Variants in NEMP1 observed in about 807,000 individuals in gnomAD.
NEMP1 encodes transmembrane protein 194.
A neutral mutation model predicts 53.7 loss-of-function variants in NEMP1; 29 were observed. That is an observed-to-expected ratio of 0.54 (90% CI 0.40 to 0.74). The LOEUF (loss-of-function observed/expected upper bound fraction) is 0.74. Ranked by LOEUF, NEMP1 falls within the 30% of genes least tolerant of loss-of-function variation. NEMP1 has a pLI of 0.00. For synonymous variants in NEMP1, 193 were observed against 192.9 expected (o/e 1.00, Z 0.00); for missense variants, 477 against 528.6 (o/e 0.90, Z 0.96).
chr12:57,083,954 C>G (rs2136530246), intron 1 of NEMP1, among the ~76,000 whole-genome samples: 1 of 144,456 alleles, frequency 6.9e-6, no homozygotes, highest in South Asian at 2.2e-4. Flanking sequence ...TTGTTTTCTT[C>G]TGTTTTGTTT....
chr12:57,063,583 T>C (rs977319699), intron 6 of NEMP1, among the ~76,000 whole-genome samples: 1 of 152,204 alleles, frequency 6.6e-6, no homozygotes, highest in African/African-American at 2.4e-5. Flanking sequence ...AACCCTGAAA[T>C]AGACTATTTT....
At chr12:57,078,802 G>T, upstream of NEMP1, 1 of 1,559,992 alleles carries the variant, frequency 6.4e-7, no homozygotes. Context: ...AACTCCGAAC[G>T]GGCAACGACA....
chr12:57,072,804 A>G lies in NEMP1; in HGVS notation c.236T>C (p.Ile79Thr). 6.2e-7 allele frequency: 1 copy of G among 1,610,918 alleles called. No homozygotes were observed. The highest frequency in any genetic ancestry group is 8.5e-7 in the Non-Finnish European group (1 of 1,178,568). ...TNVLIPKWHD[I>T]WTRIQIRVNS... Reference sequence around the variant, plus strand: ...AGTTATTACCTGTATCCGTGTCCATATATCATGCCATTTTGGGATAAGCAC... The same window carrying G: ...AGTTATTACCTGTATCCGTGTCCATGTATCATGCCATTTTGGGATAAGCAC... Residue 79 changes from isoleucine (I) to threonine (T), a missense_variant, in exon 2 of 9, where the codon ATA (isoleucine) becomes ACA (threonine). Physicochemically the swap from Ile to Thr is moderately conservative, Grantham distance 89. Transcript: ENST00000300128.
At chr12:57,084,054 C>T (rs573635522) in intron 1 of NEMP1, among the ~76,000 whole-genome samples, 11 of 152,128 alleles carry the variant, frequency 7.2e-5, no homozygotes, top group Non-Finnish European at 1.3e-4. Context: ...CTTCTGCTTC[C>T]CAGGTTCAAG....
upstream of NEMP1, among the ~76,000 whole-genome samples, chr12:57,080,277 C>A (rs372171760): frequency 1.2e-4 from 19 of 152,278 alleles, no homozygotes; most frequent in African/African-American, 4.3e-4. Flanking sequence ...AAAACAAGGA[C>A]CTTTTTAAAA....
chr12:57,074,727 G>C (rs2032520747), intron 1 of NEMP1, among the ~76,000 whole-genome samples: 1 of 152,198 alleles, frequency 6.6e-6, no homozygotes, highest in Non-Finnish European at 1.5e-5. Flanking sequence ...CAGTCCCTCT[G>C]ATTTACCAAA....
upstream of NEMP1, among the ~76,000 whole-genome samples, chr12:57,080,533 C>T (rs563555742): frequency 3.4e-5 from 5 of 148,682 alleles, no homozygotes; most frequent in South Asian, 2.1e-4. Context: ...GAGCCAAGAT[C>T]GCCCCATTGC....
chr12:57,066,624 G>C (rs182909777), intron 4 of NEMP1, among the ~76,000 whole-genome samples: 211 of 152,272 alleles, frequency 1.4e-3, no homozygotes, highest in Non-Finnish European at 2.4e-3. Context: ...AAGGGAGACG[G>C]GAATAACCAA....
upstream of NEMP1, among the ~76,000 whole-genome samples, chr12:57,081,198 G>A (rs1272426322): frequency 6.6e-6 from 1 of 152,102 alleles, no homozygotes; most frequent in Non-Finnish European, 1.5e-5. Context: ...TACCTGACCA[G>A]TACTCCTCAA....
intron 2 of NEMP1, among the ~76,000 whole-genome samples, chr12:57,071,352 C>T (rs895703147): frequency 1.3e-5 from 2 of 152,054 alleles, no homozygotes; most frequent in African/African-American, 4.8e-5. Flanking sequence ...TTATAATGTG[C>T]CCCAGATGGA....
In NEMP1 at chr12:57,058,585, A is replaced by G. The variant is rs1176077870; in HGVS notation, c.*1294T>C. 3.9e-5 allele frequency: 6 copies of G among 152,274 alleles called. No individual in the cohort carries two copies. The highest frequency in any genetic ancestry group is 1.4e-4 in the African/African-American group (6 of 41,470). 9.4% of individuals were successfully genotyped at this position (152,274 alleles called of 1,614,324 possible). On this transcript the variant is annotated 3_prime_UTR_variant, in exon 9 of 9. Transcript: ENST00000300128. ...AGAATCTGAAACTAATGCTACTGCA[A>G]TAACAGGCAGCATACATCTCAGGTC...
chr12:57,085,423 C>T (rs1283069696), intron 1 of NEMP1, among the ~76,000 whole-genome samples: 1 of 152,142 alleles, frequency 6.6e-6, no homozygotes, highest in African/African-American at 2.4e-5. Context: ...CAACTCCAAG[C>T]AGAACAGATC....
chr12:57,077,557 T>C (rs1164754986), intron 1 of NEMP1, among the ~76,000 whole-genome samples: 1 of 152,108 alleles, frequency 6.6e-6, no homozygotes, highest in Non-Finnish European at 1.5e-5. Flanking sequence ...GGAAAATTAT[T>C]GTACTACAAA....
At chr12:57,067,596 C>G (rs923557498) in intron 4 of NEMP1, among the ~76,000 whole-genome samples, 1 of 152,070 alleles carries the variant, frequency 6.6e-6, no homozygotes, top group African/African-American at 2.4e-5. Flanking sequence ...CTGTGAACCA[C>G]AAAAAAGTGA....
Position 57,059,836 on chromosome 12 carries a change from C to G in NEMP1, c.*43G>C. On this transcript the variant is annotated 3_prime_UTR_variant, in exon 9 of 9. Coordinates refer to ENST00000300128, the MANE Select transcript of NEMP1 (RefSeq NM_001130963.2). ...AATTGCACAACACATGCAACATGGA[C>G]CAAGGCACCAAGCCAGTCCACGTAA... 1 of 1,574,646 alleles carries G rather than the reference C, an allele frequency of 6.4e-7. No homozygotes were observed. The highest frequency in any genetic ancestry group is 1.1e-5 in the South Asian group (1 of 87,458).
rs2031592922 is a variant in NEMP1, at chr12:57,057,669, G to C, written c.*2210C>G. On this transcript the variant is annotated 3_prime_UTR_variant, in exon 9 of 9. Coordinates refer to ENST00000300128, the MANE Select transcript of NEMP1 (RefSeq NM_001130963.2). ...ACTACCAGATAGGGAGTAAAAAACA[G>C]TTTGATTTTATTCACCTCAAGTCTA... The C allele has an allele frequency of 6.6e-6, 1 of 152,108 alleles. No homozygotes were observed. Among genetic ancestry groups the C allele is most frequent in the Non-Finnish European group, 1.5e-5 (1 of 68,018 alleles). The allele number at this position is 152,108 out of a possible 1,614,324, so 9.4% of individuals were successfully genotyped here.
At chr12:57,087,210 G>C (rs2033027392) in intron 1 of NEMP1, among the ~76,000 whole-genome samples, 2 of 152,210 alleles carry the variant, frequency 1.3e-5, no homozygotes, top group Admixed American at 1.3e-4. Flanking sequence ...CGCCCAGTAG[G>C]TTGCCGCTCA....
At chr12:57,074,473 G>A (rs1157531821) in intron 1 of NEMP1, among the ~76,000 whole-genome samples, 20 of 151,536 alleles carry the variant, frequency 1.3e-4, no homozygotes, top group Admixed American at 1.3e-3. Flanking sequence ...TTTTGTGTGT[G>A]TGTATTTTTG....
intron 3 of NEMP1, 105 bp downstream of exon 3, chr12:57,070,569 A>C (rs2032296218): frequency 1.1e-6 from 1 of 936,534 alleles, no homozygotes; most frequent in Non-Finnish European, 1.6e-6. Flanking sequence ...ATCAGAACCC[A>C]ACTGGAGCTG....
Sources: gnomAD v4.1 joint callset for allele counts (sites outside exome capture counted in the v4.1 genomes callset) on GRCh38, gnomAD v4.1.1 for gene constraint, MANE v1.5 for transcripts, NCBI Gene and HGNC (gene_info 2026-07-23, HGNC 2026-07-21) for gene names.